EEF1AKMT2: variants seen among roughly 807,000 people sequenced by gnomAD.
The protein encoded by EEF1AKMT2 is EEF1A lysine methyltransferase 2, also known as eukaryotic translation elongation factor 1 alpha lysine methyltransferase 2.
A neutral mutation model predicts 35.8 loss-of-function variants in EEF1AKMT2; 32 were observed. The ratio of observed to expected loss-of-function variants is 0.89; its 90% CI spans 0.67 to 1.20. The LOEUF (loss-of-function observed/expected upper bound fraction) is 1.20. Among genes scored for constraint, EEF1AKMT2 ranks in the 50% most tolerant of loss-of-function variants. EEF1AKMT2 has a pLI of 0.00. For synonymous variants in EEF1AKMT2, 121 were observed against 133.7 expected (o/e 0.91, Z 0.65); for missense variants, 330 against 347.5 (o/e 0.95, Z 0.40).
chr10:124,790,239 T>A, intron 2 of EEF1AKMT2, 34 bp downstream of exon 2: 1 of 1,461,370 alleles, frequency 6.8e-7, no homozygotes, highest in Non-Finnish European at 9.6e-7. Context: ...CATATAATCT[T>A]CTAGATTATA....
At chr10:124,776,386 G>T (rs1018898623) in intron 3 of EEF1AKMT2, among the ~76,000 whole-genome samples, 3 of 152,064 alleles carry the variant, frequency 2.0e-5, no homozygotes, top group Admixed American at 2.0e-4. Flanking sequence ...AAACAGACCC[G>T]ACAGGAGACC....
At chr10:124,767,885 C>T (rs1029022474) in intron 4 of EEF1AKMT2, among the ~76,000 whole-genome samples, 10 of 152,158 alleles carry the variant, frequency 6.6e-5, no homozygotes, top group African/African-American at 2.4e-4. Flanking sequence ...AATCGGGAGG[C>T]TGAGGCAGGA....
intron 3 of EEF1AKMT2, among the ~76,000 whole-genome samples, chr10:124,784,668 C>T (rs1220158410): frequency 1.3e-5 from 2 of 151,900 alleles, no homozygotes; most frequent in African/African-American, 2.4e-5. Context: ...GGGTGGCTCA[C>T]GCCTGTAATC....
chr10:124,777,677 T>G (rs1343656816), intron 3 of EEF1AKMT2, among the ~76,000 whole-genome samples: 1 of 151,960 alleles, frequency 6.6e-6, no homozygotes, highest in African/African-American at 2.4e-5. Context: ...CCACCATGCC[T>G]GGTTAATTTT....
At position 124,760,392 on chromosome 10, in the gene EEF1AKMT2, T is replaced by A. The variant is rs1950320833; in HGVS notation, c.*111A>T. Reference sequence around the variant, plus strand: ...GTAGATTCTGTGTAGCTACCTGAATTCGTCCAAGAAAAAGTCTCACATTTT... The same window carrying A: ...GTAGATTCTGTGTAGCTACCTGAATACGTCCAAGAAAAAGTCTCACATTTT... On this transcript the variant is annotated 3_prime_UTR_variant, in exon 7 of 7. Coordinates refer to ENST00000368836, the MANE Select transcript of EEF1AKMT2 (RefSeq NM_212554.4). 6.3e-7 allele frequency: 1 copy of A among 1,575,420 alleles called. No individual in the cohort carries two copies. The highest frequency in any genetic ancestry group is 8.7e-7 in the Non-Finnish European group (1 of 1,146,390).
chr10:124,772,959 G>A (rs1950451144), intron 4 of EEF1AKMT2, among the ~76,000 whole-genome samples: 1 of 152,180 alleles, frequency 6.6e-6, no homozygotes, highest in South Asian at 2.1e-4. Context: ...TCATTCATGT[G>A]TTCACTGGAA....
chr10:124,760,580 C>G lies in EEF1AKMT2; in HGVS notation c.*-77G>C, dbSNP rs565308476. The stretch of plus-strand genomic sequence containing the variant: ...ATGTATTTATATGCATGCATTAACA[C>G]TGTACCATTGAACCCTTTGTAAAAC... On this transcript the variant is annotated intron_variant, in intron 6 of 6. Coordinates refer to ENST00000368836, the MANE Select transcript of EEF1AKMT2 (RefSeq NM_212554.4). 53 of 1,082,254 alleles carry G rather than the reference C, an allele frequency of 4.9e-5. No homozygotes were observed. The East Asian group carries it at 1.2e-3, about 25-fold the overall frequency. The allele number at this position is 1,082,254 out of a possible 1,614,324, so 67.0% of individuals were successfully genotyped here.
Position 124,791,857 on chromosome 10 carries a change from G to C in EEF1AKMT2, c.-24C>G, listed in dbSNP as rs776425646. 6.5e-7 allele frequency: 1 copy of C among 1,544,776 alleles called. No individual in the cohort carries two copies. The highest frequency in any genetic ancestry group is 1.2e-5 in the South Asian group (1 of 84,724). Reference sequence around the variant, plus strand: ...ATTTCGCTCCACGTCCTGGACGGCCGTTGGGGCCGCCATAGAGACGGGGCA... The same window carrying C: ...ATTTCGCTCCACGTCCTGGACGGCCCTTGGGGCCGCCATAGAGACGGGGCA... On this transcript the variant is annotated 5_prime_UTR_variant, in exon 1 of 7. Coordinates refer to ENST00000368836, the MANE Select transcript of EEF1AKMT2 (RefSeq NM_212554.4).
chr10:124,782,178 A>G (rs1950545310), intron 3 of EEF1AKMT2, among the ~76,000 whole-genome samples: 1 of 152,216 alleles, frequency 6.6e-6, no homozygotes, highest in Non-Finnish European at 1.5e-5. Flanking sequence ...CAACACCAGC[A>G]GGAAAGGAAA....
chr10:124,770,517 T>C (rs1016948830), intron 4 of EEF1AKMT2, among the ~76,000 whole-genome samples: 2 of 152,198 alleles, frequency 1.3e-5, no homozygotes, highest in Non-Finnish European at 2.9e-5. Context: ...CTTGCCTCAA[T>C]AAGGATGCCT....
At chr10:124,770,306 A>G (rs2134126767) in intron 4 of EEF1AKMT2, among the ~76,000 whole-genome samples, 1 of 152,088 alleles carries the variant, frequency 6.6e-6, no homozygotes, top group South Asian at 2.1e-4. Flanking sequence ...AGTCCCAGCT[A>G]CTCGGGAGGC....
chr10:124,771,198 C>T (rs1053200078), intron 4 of EEF1AKMT2, among the ~76,000 whole-genome samples: 26 of 151,826 alleles, frequency 1.7e-4, no homozygotes, highest in African/African-American at 5.8e-4. Context: ...CTCCCAGGTT[C>T]ACGCCATTCT....
chr10:124,764,855 T>C (rs559384465), intron 5 of EEF1AKMT2, among the ~76,000 whole-genome samples: 9 of 152,340 alleles, frequency 5.9e-5, no homozygotes, highest in Admixed American at 2.0e-4. Flanking sequence ...AAATAATAGA[T>C]TATATACCTT....
At chr10:124,785,625 G>A (rs1950577551) in intron 3 of EEF1AKMT2, among the ~76,000 whole-genome samples, 1 of 152,142 alleles carries the variant, frequency 6.6e-6, no homozygotes, top group African/African-American at 2.4e-5. Context: ...CAGGCGTGGT[G>A]GCTCACGCTT....
intron 4 of EEF1AKMT2, 61 bp from the exon 5 acceptor site, chr10:124,765,669 G>GGATTT: frequency 8.0e-7 from 1 of 1,250,246 alleles, no homozygotes; most frequent in South Asian, 1.3e-5. Flanking sequence ...CAGAATGTAA[G>GGATTT]TGACAACCTG....
chr10:124,773,830 A>G (rs1361242392), intron 4 of EEF1AKMT2, among the ~76,000 whole-genome samples: 2 of 152,216 alleles, frequency 1.3e-5, no homozygotes, highest in Non-Finnish European at 2.9e-5. Context: ...AAGTGAGAAC[A>G]TGCTGTTGAA....
At position 124,759,275 on chromosome 10, in the gene EEF1AKMT2, A is replaced by G. The variant is rs1459320984; in HGVS notation, c.*1228T>C. ...GCCCCTAACTAGAACATCTTTGTGC[A>G]TGTATCGCTGAGGGCTTATATAACT... On this transcript the variant is annotated 3_prime_UTR_variant, in exon 7 of 7. Transcript: ENST00000368836. The G allele has an allele frequency of 1.3e-5, 2 of 152,192 alleles. No homozygotes were observed. The highest frequency in any genetic ancestry group is 1.5e-5 in the Non-Finnish European group (1 of 68,040). 9.4% of individuals were successfully genotyped at this position (152,192 alleles called of 1,614,324 possible).
intron 3 of EEF1AKMT2, among the ~76,000 whole-genome samples, chr10:124,781,685 CA>C (rs1438226259): frequency 1.1e-5 from 1 of 88,316 alleles, no homozygotes; most frequent in African/African-American, 4.1e-5. Flanking sequence ...TAAAGGAAAA[CA>C]AAAAAAATTT....
intron 4 of EEF1AKMT2, among the ~76,000 whole-genome samples, chr10:124,772,739 T>C (rs1388550229): frequency 6.6e-6 from 1 of 152,214 alleles, no homozygotes; most frequent in Non-Finnish European, 1.5e-5. Context: ...AGATGGCTTC[T>C]GTTCTTAAAT....
Sources: allele counts gnomAD v4.1 joint callset (sites outside exome capture counted in the v4.1 genomes callset), GRCh38; gene constraint gnomAD v4.1.1; transcripts MANE v1.5; gene names NCBI Gene and HGNC (gene_info 2026-07-23, HGNC 2026-07-21).